The following DSG2 variants were observed in gnomAD, a reference collection of about 807,000 sequenced individuals.
DSG2 encodes the protein desmoglein 2, also known as desmoglein-2.
DSG2 carries 45 observed loss-of-function variants against 75.6 expected under a neutral mutation model. That is an observed-to-expected ratio of 0.60 (90% CI 0.47 to 0.76). The LOEUF is 0.76. DSG2 is among the 30% of genes least tolerant of loss of function. DSG2 has a pLI of 0.00. For missense variants in DSG2, 1,267 were observed against 1,357.4 expected (o/e 0.93, Z 1.05); for synonymous variants, 429 against 483.9 (o/e 0.89, Z 1.49).
chr18:31,519,734 A>G, intron 2 of DSG2, 69 bp from the exon 3 acceptor site: 3 of 1,535,276 alleles, frequency 2.0e-6, no homozygotes, highest in Non-Finnish European at 2.7e-6. Context: ...TTATTATGTT[A>G]TAGGACAGCA....
Position 31,541,317 on chromosome 18 carries a change from C to G in DSG2, c.2001+3C>G, listed in dbSNP as rs746471051. On this transcript the variant is annotated splice_donor_region_variant and intron_variant, in intron 13 of 14. Coordinates refer to ENST00000261590, the MANE Select transcript of DSG2 (RefSeq NM_001943.5). ...AAGGAGCACCACCTGAAGACAAGGT[C>G]AGTGGATCAGATGTCAATATGACTT... The G allele has an allele frequency of 9.3e-6, 15 of 1,613,870 alleles. No homozygotes were observed. The highest frequency in any genetic ancestry group is 1.1e-5 in the Non-Finnish European group (13 of 1,179,890).
At chr18:31,518,134 T>A (rs987994093) in intron 1 of DSG2, 105 bp from the exon 2 acceptor site, 1 of 957,130 alleles carries the variant, frequency 1.0e-6, no homozygotes, top group South Asian at 1.5e-5. Flanking sequence ...TGGTTAAACT[T>A]TTTTTATGTC....
intron 1 of DSG2, among the ~76,000 whole-genome samples, chr18:31,500,007 C>G (rs576833448): frequency 2.8e-5 from 4 of 145,102 alleles, no homozygotes; most frequent in East Asian, 2.0e-4. Flanking sequence ...CATTTTACCC[C>G]CAGTGTGTTT....
intron 1 of DSG2, among the ~76,000 whole-genome samples, chr18:31,507,719 G>A (rs1446110259): frequency 6.6e-6 from 1 of 152,138 alleles, no homozygotes; most frequent in Non-Finnish European, 1.5e-5. Context: ...CTGCATAAAT[G>A]TCTTCTTTTG....
At chr18:31,526,905 T>C (rs1166870845) in intron 8 of DSG2, among the ~76,000 whole-genome samples, 1 of 152,190 alleles carries the variant, frequency 6.6e-6, no homozygotes, top group Non-Finnish European at 1.5e-5. Context: ...TAAAAGTTTA[T>C]AGAGAAGTTA....
intron 8 of DSG2, among the ~76,000 whole-genome samples, chr18:31,528,616 A>G (rs2073176416): frequency 6.6e-6 from 1 of 151,494 alleles, no homozygotes; most frequent in South Asian, 2.1e-4. Flanking sequence ...AGGCTGAAGC[A>G]GGAGAATTGC....
intron 2 of DSG2, 71 bp downstream of exon 2, chr18:31,518,345 G>A: frequency 7.6e-7 from 1 of 1,316,272 alleles, no homozygotes; most frequent in Admixed American, 1.7e-5. Context: ...CAGGTTGACT[G>A]GGCTTTACTA....
intron 2 of DSG2, among the ~76,000 whole-genome samples, chr18:31,519,226 ACT>A (rs1322898998): frequency 1.3e-5 from 2 of 152,114 alleles, no homozygotes; most frequent in African/African-American, 4.8e-5. Flanking sequence ...AACTTTTCAA[ACT>A]CTCACTCTGG....
Position 31,522,332 on chromosome 18 carries a change from A to G in DSG2, c.690+83A>G, listed in dbSNP as rs2073133906. The G allele has an allele frequency of 4.3e-6, 6 of 1,386,600 alleles. No homozygotes were observed. The Admixed American group carries it at 1.0e-4, about 24-fold the overall frequency. The allele number at this position is 1,386,600 out of a possible 1,614,324, so 85.9% of individuals were successfully genotyped here. On this transcript the variant is annotated intron_variant, in intron 6 of 14. Coordinates refer to ENST00000261590, the MANE Select transcript of DSG2 (RefSeq NM_001943.5). Reference sequence around the variant, plus strand: ...TCTCTTTTTCTTTTCTAATTTTCTTATTTTGTTCTGTATTCCTTATCCATA... The same window carrying G: ...TCTCTTTTTCTTTTCTAATTTTCTTGTTTTGTTCTGTATTCCTTATCCATA...
chr18:31,513,679 A>C (rs547892166), intron 1 of DSG2, among the ~76,000 whole-genome samples: 2 of 152,324 alleles, frequency 1.3e-5, no homozygotes, highest in Admixed American at 6.5e-5. Flanking sequence ...CTTGTCTGGC[A>C]GGATCTCCTC....
chr18:31,500,222 T>C (rs1378445905), intron 1 of DSG2, among the ~76,000 whole-genome samples: 1 of 152,000 alleles, frequency 6.6e-6, no homozygotes, highest in Admixed American at 6.5e-5. Flanking sequence ...CTAAACTGAC[T>C]ACCTAAGTGT....
intron 8 of DSG2, among the ~76,000 whole-genome samples, chr18:31,530,515 T>C (rs527657084): frequency 1.3e-5 from 2 of 152,216 alleles, no homozygotes; most frequent in South Asian, 4.2e-4. Flanking sequence ...CCCTCTGGGC[T>C]CAAGCAATCC....
intron 9 of DSG2, among the ~76,000 whole-genome samples, chr18:31,533,415 C>T (rs2073209984): frequency 6.6e-6 from 1 of 152,114 alleles, no homozygotes; most frequent in African/African-American, 2.4e-5. Flanking sequence ...GTTCAAGGTT[C>T]CAGCGAGTTG....
chr18:31,530,144 A>C (rs1465271920), intron 8 of DSG2, among the ~76,000 whole-genome samples: 1 of 152,180 alleles, frequency 6.6e-6, no homozygotes, highest in African/African-American at 2.4e-5. Flanking sequence ...TATGCTAAAA[A>C]AGAGGAGAGT....
chr18:31,535,273 T>A lies in DSG2; in HGVS notation c.1284T>A (p.Tyr428Ter). 2 of 1,581,408 alleles carry A rather than the reference T, an allele frequency of 1.3e-6. No homozygotes were observed. The highest frequency in any genetic ancestry group is 1.7e-6 in the Non-Finnish European group (2 of 1,152,716). Residue 428 changes from tyrosine to a stop codon, truncating the protein, a stop_gained, in exon 10 of 15, where the codon TAT becomes TAA. Transcript: ENST00000261590. LOFTEE classifies it high-confidence loss of function. ...TTTTATGTTTGTTTTATGACAGATA[T>A]GTAAAATTAGAAGATAGAGATAATT... Reference protein sequence around the residue: ...EDTGLPAHARYVKLEDRDNWI... With the variant: ...EDTGLPAHAR
intron 1 of DSG2, among the ~76,000 whole-genome samples, chr18:31,499,471 C>T (rs1362703850): frequency 6.6e-6 from 1 of 152,042 alleles, no homozygotes; most frequent in Non-Finnish European, 1.5e-5. Context: ...ATTAGGGCGT[C>T]CAGGCCTAGC....
chr18:31,533,991 C>CTTTTT (rs55789239), intron 9 of DSG2, among the ~76,000 whole-genome samples: 3 of 125,944 alleles, frequency 2.4e-5, no homozygotes, highest in Non-Finnish European at 4.9e-5. Context: ...TCTTTTTTTT[C>CTTTTT]TTTTTTTTTT....
chr18:31,519,749 A>G, intron 2 of DSG2, 54 bp from the exon 3 acceptor site: 1 of 1,572,796 alleles, frequency 6.4e-7, no homozygotes, highest in South Asian at 1.1e-5. Context: ...ACAGCATACT[A>G]ATGTTCTATA....
chr18:31,525,099 C>G (rs373212842), intron 8 of DSG2, among the ~76,000 whole-genome samples: 1 of 152,196 alleles, frequency 6.6e-6, no homozygotes, highest in East Asian at 1.9e-4. Flanking sequence ...GGACTCTAAT[C>G]CTAGCCAGAC....
Sources: allele counts gnomAD v4.1 joint callset (sites outside exome capture counted in the v4.1 genomes callset), GRCh38; gene constraint gnomAD v4.1.1; transcripts MANE v1.5; gene names NCBI Gene and HGNC (gene_info 2026-07-23, HGNC 2026-07-21).